APBB1: variants seen among roughly 807,000 people sequenced by gnomAD.
APBB1 encodes amyloid beta precursor protein binding family B member 1, also known as adaptor protein FE65a2.
Under a neutral mutation model 78.4 loss-of-function variants are expected in APBB1, and 22 were observed. That is an observed-to-expected ratio of 0.28 (90% confidence interval 0.20 to 0.40). The LOEUF (loss-of-function observed/expected upper bound fraction) is 0.40, where lower values mean the gene tolerates loss of function less well. Among genes scored for constraint, APBB1 ranks in the 10% least tolerant of loss-of-function variants. APBB1 has a pLI of 1.00. For missense variants in APBB1, 749 were observed against 932.4 expected (o/e 0.80, Z 2.56); for synonymous variants, 369 against 372.7 (o/e 0.99, Z 0.12).
intron 12 of APBB1, chr11:6,396,485 T>C (rs1293610535): frequency 4.8e-6 from 2 of 414,840 alleles, no homozygotes; most frequent in Middle Eastern, 6.6e-4. Flanking sequence ...ACTTCTGAAC[T>C]GACTGACCTC....
intron 2 of APBB1, chr11:6,405,621 G>A (rs1188914666): frequency 9.1e-6 from 9 of 985,840 alleles, no homozygotes; most frequent in Non-Finnish European, 1.1e-5. Flanking sequence ...CCTGACGAGA[G>A]TTATTCAGGC....
In APBB1 at chr11:6,403,803, G is replaced by A. The variant is rs775496229; in HGVS notation, c.741C>T (p.Asn247=). 8.4e-6 allele frequency: 13 copies of A among 1,555,088 alleles called. No homozygotes were observed. Among genetic ancestry groups the A allele is most frequent in the Admixed American group, 3.9e-5 (2 of 51,234 alleles). The change falls in exon 3 of 15, where the codon AAC becomes AAT. Residue 247 remains asparagine (N), a synonymous_variant. Coordinates refer to ENST00000609360, the MANE Select transcript of APBB1 (RefSeq NM_001164.5). The surrounding 1 kb of genome is among the most constrained non-coding windows in gnomAD (Gnocchi z 5.3). ...PEDTDSFWNP[N]AFETDSDLPA... is the part of the protein sequence containing the mutation. ...GCAGGTCGGAATCCGTCTCGAAGGC[G>A]TTGGGGTTCCAGAAGGAATCTGCCA...
rs756480904 is a variant in APBB1, at chr11:6,403,621, A to C, written c.897+26T>G. 2 of 1,612,380 alleles carry C rather than the reference A, an allele frequency of 1.2e-6. No individual in the cohort carries two copies. The highest frequency in any genetic ancestry group is 1.1e-5 in the South Asian group (1 of 90,922). Reference sequence around the variant, plus strand: ...CACACACTCCCTCCACCCCTGGCCCAAAATCAACAGGCCTGTGAGCCTCAC... The same window carrying C: ...CACACACTCCCTCCACCCCTGGCCCCAAATCAACAGGCCTGTGAGCCTCAC... On this transcript the variant is annotated intron_variant, in intron 3 of 14. Transcript: ENST00000609360. This position sits in a 1 kb window ranked among gnomAD's most constrained non-coding sequence, Gnocchi z 5.3.
At position 6,401,423 on chromosome 11, in the gene APBB1, C is replaced by T. The variant is rs1848498689; in HGVS notation, c.1510G>A (p.Ala504Thr). Residue 504 changes from alanine (A) to threonine (T), a missense_variant, in exon 11 of 15, where the codon GCC (alanine) becomes ACC (threonine). Ala to Thr is a moderately conservative substitution (Grantham distance 58). Around this residue, in one of 3 missense-constraint regions of APBB1, gnomAD observed 635 missense variants for 765.0 expected, o/e 0.83. Transcript: ENST00000609360. The surrounding 1 kb of genome is among the most constrained non-coding windows in gnomAD (Gnocchi z 4.5). ...SLHEICSKIMAERRNARCLVN... is the reference protein window; with the variant it reads ...SLHEICSKIMTERRNARCLVN... The stretch of plus-strand genomic sequence containing the variant: ...AAGCAGCGGGCATTACGCCGTTCGG[C>T]CATGATCTGAGGAAGGAAGGGAGGC... The T allele has an allele frequency of 2.5e-6, 4 of 1,613,628 alleles. No homozygotes were observed. Among genetic ancestry groups the T allele is most frequent in the Non-Finnish European group, 3.4e-6 (4 of 1,179,670 alleles).
At chr11:6,409,231 C>T (rs1848896845) in intron 2 of APBB1, among the ~76,000 whole-genome samples, 1 of 151,912 alleles carries the variant, frequency 6.6e-6, no homozygotes, top group South Asian at 2.1e-4. Flanking sequence ...TGCCTCCACT[C>T]CCGGCTAATT....
At chr11:6,412,150 T>C (rs907779431) in intron 1 of APBB1, among the ~76,000 whole-genome samples, 3 of 152,090 alleles carry the variant, frequency 2.0e-5, no homozygotes, top group Admixed American at 6.6e-5. Context: ...TGGGGGTTGT[T>C]TGTCTGTTTG....
chr11:6,411,708 T>C lies in APBB1; in HGVS notation c.-14-347A>G, dbSNP rs558555915. Among the ~76,000 whole-genome samples the C allele has an allele frequency of 2.2e-4, 34 of 152,320 alleles. No homozygotes were observed. The highest frequency in any genetic ancestry group is 7.9e-4 in the African/African-American group (33 of 41,564). On this transcript the variant is annotated intron_variant, in intron 1 of 14. Coordinates refer to ENST00000609360, the MANE Select transcript of APBB1 (RefSeq NM_001164.5). This position sits in a 1 kb window ranked among gnomAD's most constrained non-coding sequence, Gnocchi z 5.2. ...CCCAGCTCATCCACCCGGGGCTTAC[T>C]GTGCCAGGAACACCACTAGAGTGGG...
chr11:6,411,294 T>A lies in APBB1; in HGVS notation c.54A>T (p.Gly18=), dbSNP rs780893461. The change falls in exon 2 of 15, where the codon GGA becomes GGT. Residue 18 remains glycine, a synonymous_variant. Coordinates refer to ENST00000609360, the MANE Select transcript of APBB1 (RefSeq NM_001164.5). The surrounding 1 kb of genome is among the most constrained non-coding windows in gnomAD (Gnocchi z 5.2). ...GCAGGGGTAGGCTCAGTGCGGGGCC[T>A]CCGTGGCTGTTGGCATTAATGGCCG... is the stretch of plus-strand genomic sequence containing the variant. ...SQSAINANSH[G]GPALSLPLPL... is the part of the protein sequence containing the mutation. 18 of 1,566,714 alleles carry A rather than the reference T, an allele frequency of 1.1e-5. No homozygotes were observed. In the South Asian group the frequency reaches 1.9e-4, roughly 17 times the overall value.
At chr11:6,415,051 C>A (rs774738235) in intron 1 of APBB1, among the ~76,000 whole-genome samples, 41 of 152,304 alleles carry the variant, frequency 2.7e-4, no homozygotes, top group Middle Eastern at 3.4e-3. Context: ...GTGCTGAAGC[C>A]TGAGCATCTA....
chr11:6,406,114 T>C (rs1342364812), intron 2 of APBB1, among the ~76,000 whole-genome samples: 1 of 152,344 alleles, frequency 6.6e-6, no homozygotes, highest in East Asian at 1.9e-4. Flanking sequence ...CTTCTGGAGC[T>C]TGGCACATCT....
rs767196165 is a variant in APBB1 at position 6,401,595 on chromosome 11, G to C, written c.1482C>G (p.Ser494Arg). 1.2e-6 allele frequency: 2 copies of C among 1,614,172 alleles called. No individual in the cohort carries two copies. Among genetic ancestry groups the C allele is most frequent in the South Asian group, 2.2e-5 (2 of 91,080 alleles). Residue 494 changes from serine (S) to arginine (R), a missense_variant, in exon 10 of 15, where the codon AGC (serine) becomes AGG (arginine). Physicochemically the swap from Ser to Arg is moderately radical, Grantham distance 110. Transcript: ENST00000609360. This position sits in a 1 kb window ranked among gnomAD's most constrained non-coding sequence, Gnocchi z 4.5. ...CEAPAKNIAT[S>R]LHEICSKIMA... is the part of the protein sequence containing the mutation. ...GTGCCTTAGAGCAGATCTCATGCAG[G>C]CTGGTGGCGATGTTCTTGGCAGGTG...
rs763466464 is a variant in APBB1, at chr11:6,395,308, G to A, written c.*226C>T. 2 of 431,410 alleles carry A rather than the reference G, an allele frequency of 4.6e-6. No individual in the cohort carries two copies. The highest frequency in any genetic ancestry group is 8.1e-6 in the Non-Finnish European group (2 of 247,414). 26.7% of individuals were successfully genotyped at this position (431,410 alleles called of 1,614,324 possible). A position where few individuals can be genotyped will look rare whatever the true frequency, so the allele number is the denominator to read the frequency against. On this transcript the variant is annotated 3_prime_UTR_variant, in exon 15 of 15. Transcript: ENST00000609360. This position sits in a 1 kb window ranked among gnomAD's most constrained non-coding sequence, Gnocchi z 5.2. The stretch of plus-strand genomic sequence containing the variant: ...AAACACATGGGGATGGAGAACCAGG[G>A]CTGGCCTTGCTTCCTGCTCCTCTTG...
intron 2 of APBB1, chr11:6,405,454 C>G: frequency 1.0e-6 from 1 of 987,100 alleles, no homozygotes; most frequent in Non-Finnish European, 1.2e-6. Flanking sequence ...CTGGGAGCGC[C>G]CAGACTGCTG....
At chr11:6,402,809 A>G in intron 6 of APBB1, 84 bp from the exon 7 acceptor site, 1 of 1,555,596 alleles carries the variant, frequency 6.4e-7, no homozygotes, top group Middle Eastern at 1.7e-4. Flanking sequence ...GGCAGGAGGC[A>G]GGGTGTTCTG....
chr11:6,404,595 A>C (rs1848704882), intron 2 of APBB1: 2 of 1,536,168 alleles, frequency 1.3e-6, no homozygotes. Context: ...TGTCATGCAC[A>C]TACACACATA....
At chr11:6,410,496 T>G (rs919509390) in intron 2 of APBB1, 131 bp downstream of exon 2, 18 of 713,872 alleles carry the variant, frequency 2.5e-5, no homozygotes, top group East Asian at 8.3e-5. Context: ...TGAAAAAGCC[T>G]GGACATGGCC....
Position 6,411,970 on chromosome 11 carries a change from G to C in APBB1, c.-14-609C>G, listed in dbSNP as rs1047619477. 1.3e-5 allele frequency among the ~76,000 whole-genome samples: 2 copies of C among 152,218 alleles called. No individual in the cohort carries two copies. The highest frequency in any genetic ancestry group is 1.5e-5 in the Non-Finnish European group (1 of 68,044). ...GGCAGGTCACAGAGGGAGGGCGCTCGGCTGCAATTCATGGCTTCTCTGGCC... is the reference window on the plus strand; with the variant it reads ...GGCAGGTCACAGAGGGAGGGCGCTCCGCTGCAATTCATGGCTTCTCTGGCC... On this transcript the variant is annotated intron_variant, in intron 1 of 14. Transcript: ENST00000609360. This position sits in a 1 kb window ranked among gnomAD's most constrained non-coding sequence, Gnocchi z 5.2.
chr11:6,405,524 G>A (rs1848767096), intron 2 of APBB1: 1 of 986,050 alleles, frequency 1.0e-6, no homozygotes, highest in Non-Finnish European at 1.2e-6. Flanking sequence ...GCAGTACTAA[G>A]GGACAGGCAG....
intron 7 of APBB1, 144 bp downstream of exon 7, chr11:6,402,432 T>A (rs1001609235): frequency 1.8e-6 from 2 of 1,132,182 alleles, no homozygotes; most frequent in Non-Finnish European, 2.5e-6. Flanking sequence ...CTGGGGTCGC[T>A]CATCCATCCC....
Sources: gnomAD v4.1 joint callset for allele counts (sites outside exome capture counted in the v4.1 genomes callset) on GRCh38, gnomAD v4.1.1 for gene constraint, gnomAD v4.1.1 regional missense constraint, Gnocchi (gnomAD v3.1) non-coding constraint, MANE v1.5 for transcripts, NCBI Gene and HGNC (gene_info 2026-07-23, HGNC 2026-07-21) for gene names.